The following CSMD1 variants were observed in gnomAD, a reference collection of about 807,000 sequenced individuals.
CSMD1 encodes CUB and Sushi multiple domains 1.
Under a neutral mutation model 417.5 loss-of-function variants are expected in CSMD1, and 213 were observed. The ratio of observed to expected loss-of-function variants is 0.51; its 90% CI spans 0.46 to 0.57. The LOEUF (loss-of-function observed/expected upper bound fraction) is 0.57. Among genes scored for constraint, CSMD1 ranks in the 20% least tolerant of loss-of-function variants. The probability of loss-of-function intolerance (pLI) is 0.00; values close to 1 mark genes in which losing one functional copy is unlikely to be tolerated. For synonymous variants in CSMD1, 2,862 were observed against 1,736.8 expected (o/e 1.65, Z -16.11); for missense variants, 6,923 against 4,529.7 (o/e 1.53, Z -15.17).
intron 5 of CSMD1, among the ~76,000 whole-genome samples, chr8:3,997,588 GA>G (rs1377545843): frequency 6.6e-6 from 1 of 152,180 alleles, no homozygotes; most frequent in African/African-American, 2.4e-5. Context: ...TGCTCACAGT[GA>G]AACAGCTTCA....
chr8:3,754,094 T>G, intron 5 of CSMD1, 52 bp from the exon 6 acceptor site: 1 of 1,218,386 alleles, frequency 8.2e-7, no homozygotes. Context: ...ACAGAGCAAA[T>G]GTCCTATATC....
At chr8:4,147,357 T>G (rs1256318271) in intron 3 of CSMD1, among the ~76,000 whole-genome samples, 1 of 152,030 alleles carries the variant, frequency 6.6e-6, no homozygotes, top group East Asian at 1.9e-4. Context: ...CCTTCTTCCC[T>G]CAGTCCTCAG....
chr8:4,740,251 CA>C (rs1373809858), intron 1 of CSMD1, among the ~76,000 whole-genome samples: 9 of 152,108 alleles, frequency 5.9e-5, no homozygotes, highest in African/African-American at 2.2e-4. Flanking sequence ...CAATTTCTGA[CA>C]TAATAATATT....
chr8:4,737,836 A>G (rs971765937), intron 1 of CSMD1, among the ~76,000 whole-genome samples: 7 of 152,212 alleles, frequency 4.6e-5, no homozygotes, highest in Non-Finnish European at 8.8e-5. Context: ...ATGGTAGGAA[A>G]GGGAGGAGGA....
At chr8:4,543,177 ATTTC>A (rs1350006902) in intron 2 of CSMD1, among the ~76,000 whole-genome samples, 4 of 152,156 alleles carry the variant, frequency 2.6e-5, no homozygotes. Context: ...TTGACATTCT[ATTTC>A]TTTGTGTTAT....
chr8:3,611,668 T>C (rs1484485182), intron 8 of CSMD1, among the ~76,000 whole-genome samples: 1 of 152,100 alleles, frequency 6.6e-6, no homozygotes, highest in Non-Finnish European at 1.5e-5. Context: ...AGTTTGACAG[T>C]TTTTCAATGC....
At chr8:3,624,618 T>C (rs1269158831) in intron 7 of CSMD1, among the ~76,000 whole-genome samples, 2 of 152,276 alleles carry the variant, frequency 1.3e-5, no homozygotes. Context: ...TGCATAACCA[T>C]CAGGAAAGTG....
intron 3 of CSMD1, among the ~76,000 whole-genome samples, chr8:4,260,783 G>T (rs1563352044): frequency 6.6e-6 from 1 of 152,092 alleles, no homozygotes. Flanking sequence ...CATACAACTT[G>T]AGCACTGTCA....
intron 33 of CSMD1, among the ~76,000 whole-genome samples, chr8:3,193,671 A>C (rs1796547206): frequency 6.6e-6 from 1 of 152,192 alleles, no homozygotes; most frequent in African/African-American, 2.4e-5. Context: ...AGCAGGAATG[A>C]GGTCAGCCTG....
At chr8:4,709,004 C>G (rs532633795) in intron 1 of CSMD1, among the ~76,000 whole-genome samples, 1 of 152,200 alleles carries the variant, frequency 6.6e-6, no homozygotes, top group South Asian at 2.1e-4. Context: ...ACCTCCTGAA[C>G]CTTGACAAAA....
chr8:3,230,120 T>C lies in CSMD1; in HGVS notation c.4265A>G (p.Gln1422Arg). 1 of 1,613,802 alleles carries C rather than the reference T, an allele frequency of 6.2e-7. No homozygotes were observed. ...GGTGATTTTGGCTTGTCCTTGGAGC[T>C]GATAGCCAGGGTCACACTGGAATGT... is the stretch of plus-strand genomic sequence containing the variant. The part of the protein sequence containing the change: ...TVTFQCDPGY[Q>R]LQGQAKITCV... The change falls in exon 27 of 70, where the codon CAG becomes CGG. Residue 1422 changes from glutamine (Q) to arginine (R), a missense_variant. Gln to Arg is a conservative substitution (Grantham distance 43, BLOSUM62 1). Transcript: ENST00000635120.
rs148441090 is a variant in CSMD1 at position 4,748,999 on chromosome 8, T to A, written c.86-111441A>T. ...TAAGCTACTGGCATTAATTAATATTTTCCCTTTGTCACGGTGACCAGTTCT... is the reference window on the plus strand; with the variant it reads ...TAAGCTACTGGCATTAATTAATATTATCCCTTTGTCACGGTGACCAGTTCT... On this transcript the variant is annotated intron_variant, in intron 1 of 69. Coordinates refer to ENST00000635120, the MANE Select transcript of CSMD1 (RefSeq NM_033225.6). Among the ~76,000 whole-genome samples, 611 of 152,348 alleles carry A rather than the reference T, an allele frequency of 4.0e-3. 8 individuals are homozygous for A. The highest frequency in any genetic ancestry group is 0.014 in the African/African-American group (585 of 41,582).
intron 4 of CSMD1, among the ~76,000 whole-genome samples, chr8:4,028,216 A>C (rs1797163849): frequency 6.6e-6 from 1 of 152,232 alleles, no homozygotes; most frequent in Non-Finnish European, 1.5e-5. Flanking sequence ...AGGACAGAGG[A>C]ATAATTCAAA....
intron 2 of CSMD1, among the ~76,000 whole-genome samples, chr8:4,535,952 C>T (rs1787206903): frequency 1.3e-5 from 2 of 151,930 alleles, no homozygotes; most frequent in South Asian, 4.1e-4. Context: ...TAGATCTTAA[C>T]AATGTTGATG....
chr8:4,440,103 G>C (rs547146329), intron 2 of CSMD1, among the ~76,000 whole-genome samples: 2 of 152,266 alleles, frequency 1.3e-5, no homozygotes, highest in South Asian at 2.1e-4. Context: ...TATTGGAAAA[G>C]AGGAACTCAT....
intron 28 of CSMD1, among the ~76,000 whole-genome samples, chr8:3,222,525 G>A (rs1482148722): frequency 6.6e-6 from 1 of 152,024 alleles, no homozygotes; most frequent in Non-Finnish European, 1.5e-5. Context: ...TGCCCAGGCT[G>A]GTTTCAAACT....
chr8:3,952,396 T>C (rs773819721), intron 5 of CSMD1, among the ~76,000 whole-genome samples: 1 of 152,248 alleles, frequency 6.6e-6, no homozygotes, highest in African/African-American at 2.4e-5. Flanking sequence ...CTTAGTTTCT[T>C]CATTAAAAAT....
intron 48 of CSMD1, among the ~76,000 whole-genome samples, chr8:3,089,673 A>C (rs1346254000): frequency 6.6e-6 from 1 of 152,220 alleles, no homozygotes; most frequent in Non-Finnish European, 1.5e-5. Flanking sequence ...TGAGTCATCA[A>C]TTCTAAGTAA....
At chr8:3,065,911 A>G (rs1812908866) in intron 49 of CSMD1, among the ~76,000 whole-genome samples, 1 of 152,220 alleles carries the variant, frequency 6.6e-6, no homozygotes, top group African/African-American at 2.4e-5. Flanking sequence ...CGTAGTTTCT[A>G]CAGCTTTGAG....
Sources: gnomAD v4.1 joint callset for allele counts (sites outside exome capture counted in the v4.1 genomes callset) on GRCh38, gnomAD v4.1.1 for gene constraint, MANE v1.5 for transcripts, NCBI Gene and HGNC (gene_info 2026-07-23, HGNC 2026-07-21) for gene names.